The following SLC24A2 variants were observed in gnomAD, a reference collection of about 807,000 sequenced individuals.
SLC24A2 encodes the protein sodium/potassium/calcium exchanger 2.
Under a neutral mutation model 62.0 loss-of-function variants are expected in SLC24A2, and 36 were observed. The ratio of observed to expected loss-of-function variants is 0.58; its 90% CI spans 0.44 to 0.77. The LOEUF is 0.77. SLC24A2 is among the 30% of genes least tolerant of loss of function. The probability of loss-of-function intolerance (pLI) is 0.00; values close to 1 mark genes in which losing one functional copy is unlikely to be tolerated. For missense variants in SLC24A2, 846 were observed against 817.9 expected (o/e 1.03, Z -0.42); for synonymous variants, 358 against 294.0 (o/e 1.22, Z -2.23).
the SLC24A2 span, among the ~76,000 whole-genome samples, chr9:19,841,014 A>G: frequency 1.3e-5 from 2 of 152,090 alleles, no homozygotes; most frequent in Non-Finnish European, 2.9e-5. Context: ...TGGATGGTTT[A>G]TAGTTTTTTT....
intron 2 of SLC24A2, among the ~76,000 whole-genome samples, chr9:19,709,361 T>A (rs1820640261): frequency 6.6e-6 from 1 of 152,182 alleles, no homozygotes; most frequent in Non-Finnish European, 1.5e-5. Context: ...TCCTTGGGGA[T>A]CTAGAACAAG....
chr9:19,691,751 C>T (rs1364800225), intron 2 of SLC24A2, among the ~76,000 whole-genome samples: 2 of 152,098 alleles, frequency 1.3e-5, no homozygotes, highest in Non-Finnish European at 2.9e-5. Flanking sequence ...TCAAATGTCA[C>T]AGTACTGGAT....
At chr9:20,127,937 T>C in the SLC24A2 span, among the ~76,000 whole-genome samples, 1 of 152,156 alleles carries the variant, frequency 6.6e-6, no homozygotes, top group Non-Finnish European at 1.5e-5. Flanking sequence ...TGAAGAATTT[T>C]TTTTTAAGGG....
At chr9:19,814,899 T>C in the SLC24A2 span, among the ~76,000 whole-genome samples, 24 of 152,332 alleles carry the variant, frequency 1.6e-4, no homozygotes, top group East Asian at 4.1e-3. Context: ...TGATGAACAC[T>C]GAAAAGATAA....
the SLC24A2 span, among the ~76,000 whole-genome samples, chr9:20,017,475 G>C: frequency 1.9e-4 from 29 of 152,196 alleles, no homozygotes; most frequent in Non-Finnish European, 2.2e-4. Flanking sequence ...GTATTAGTCA[G>C]GGTTCTCTAA....
the SLC24A2 span, among the ~76,000 whole-genome samples, chr9:20,214,731 C>T: frequency 6.6e-6 from 1 of 152,090 alleles, no homozygotes; most frequent in African/African-American, 2.4e-5. Flanking sequence ...TTTGTCTTCC[C>T]TACTAAATTC....
chr9:19,522,227 C>T (rs192061279), intron 9 of SLC24A2, among the ~76,000 whole-genome samples: 40 of 152,158 alleles, frequency 2.6e-4, no homozygotes, highest in Middle Eastern at 3.4e-3. Flanking sequence ...CTTGAACTCT[C>T]GGCCTCGAGA....
At chr9:19,545,635 A>G (rs980698613) in intron 8 of SLC24A2, among the ~76,000 whole-genome samples, 1 of 148,656 alleles carries the variant, frequency 6.7e-6, no homozygotes, top group Non-Finnish European at 1.5e-5. Context: ...CCTATTTTTT[A>G]GTTTTTTTTT....
the SLC24A2 span, among the ~76,000 whole-genome samples, chr9:19,851,000 TACACATAC>T: frequency 6.3e-3 from 283 of 44,934 alleles, 4 homozygotes; most frequent in Non-Finnish European, 0.01. Context: ...TATATATATA[TACACATAC>T]ATATATATAT....
chr9:19,580,943 A>G (rs1836187099), intron 5 of SLC24A2, among the ~76,000 whole-genome samples: 1 of 152,160 alleles, frequency 6.6e-6, no homozygotes, highest in Admixed American at 6.5e-5. Context: ...CATCCAGGGA[A>G]GGGCTGAGCT....
At chr9:19,611,328 G>A (rs951843503) in intron 4 of SLC24A2, among the ~76,000 whole-genome samples, 1 of 151,476 alleles carries the variant, frequency 6.6e-6, no homozygotes, top group Non-Finnish European at 1.5e-5. Flanking sequence ...GGGAGACGAG[G>A]GGGCAAAGCA....
the SLC24A2 span, among the ~76,000 whole-genome samples, chr9:20,112,340 T>C: frequency 2.0e-5 from 3 of 152,212 alleles, no homozygotes; most frequent in Admixed American, 6.5e-5. Flanking sequence ...GTGAATTTGC[T>C]GGTCTGTTTA....
At chr9:20,080,867 A>G in the SLC24A2 span, among the ~76,000 whole-genome samples, 3 of 152,196 alleles carry the variant, frequency 2.0e-5, no homozygotes, top group African/African-American at 7.2e-5. Flanking sequence ...GCCAAAAGAC[A>G]CATGAAAAAA....
chr9:20,135,739 T>A, the SLC24A2 span, among the ~76,000 whole-genome samples: 1 of 152,128 alleles, frequency 6.6e-6, no homozygotes, highest in African/African-American at 2.4e-5. Flanking sequence ...TTTTTTTTAA[T>A]TTTAATTTCT....
At chr9:19,932,710 G>A in the SLC24A2 span, among the ~76,000 whole-genome samples, 1 of 152,278 alleles carries the variant, frequency 6.6e-6, no homozygotes, top group Middle Eastern at 3.4e-3. Flanking sequence ...TTCAGACTTT[G>A]CAGGCCACTG....
chr9:19,948,769 C>T, the SLC24A2 span, among the ~76,000 whole-genome samples: 1 of 146,038 alleles, frequency 6.8e-6, no homozygotes, highest in African/African-American at 2.5e-5. Context: ...GGCGTGAACC[C>T]GGAAGGCGGA....
At chr9:20,098,740 C>G in the SLC24A2 span, among the ~76,000 whole-genome samples, 1 of 152,184 alleles carries the variant, frequency 6.6e-6, no homozygotes, top group Non-Finnish European at 1.5e-5. Flanking sequence ...CCATGTTTCA[C>G]TTGTGACTGT....
the SLC24A2 span, among the ~76,000 whole-genome samples, chr9:20,104,091 G>C: frequency 1.2e-4 from 19 of 152,190 alleles, no homozygotes; most frequent in Non-Finnish European, 2.5e-4. Flanking sequence ...CTGGAAGAAA[G>C]GGTATCAGTG....
chr9:19,835,105 C>T, the SLC24A2 span, among the ~76,000 whole-genome samples: 1 of 152,168 alleles, frequency 6.6e-6, no homozygotes. Flanking sequence ...CAACCAGTAC[C>T]AGCCACTGCA....
Sources: gnomAD v4.1 joint callset for allele counts (sites outside exome capture counted in the v4.1 genomes callset) on GRCh38, gnomAD v4.1.1 for gene constraint, MANE v1.5 for transcripts, NCBI Gene and HGNC (gene_info 2026-07-23, HGNC 2026-07-21) for gene names.